Variants in PRPSAP1 observed in about 807,000 individuals in gnomAD.
The protein encoded by PRPSAP1 is phosphoribosyl pyrophosphate synthetase associated protein 1, also known as phosphoribosyl pyrophosphate synthase-associated protein 1.
Under a neutral mutation model 39.4 loss-of-function variants are expected in PRPSAP1, and 31 were observed. The observed-to-expected ratio is 0.79, with a 90% CI of 0.59 to 1.06. The LOEUF (loss-of-function observed/expected upper bound fraction) is 1.06. Among genes scored for constraint, PRPSAP1 ranks in the 50% least tolerant of loss-of-function variants. The probability of loss-of-function intolerance (pLI) is 0.00; values close to 1 mark genes in which losing one functional copy is unlikely to be tolerated. For missense variants in PRPSAP1, 430 were observed against 511.6 expected (o/e 0.84, Z 1.54); for synonymous variants, 212 against 192.6 (o/e 1.10, Z -0.83).
intron 3 of PRPSAP1, among the ~76,000 whole-genome samples, chr17:76,333,081 C>A (rs979951619): frequency 6.6e-6 from 1 of 151,340 alleles, no homozygotes; most frequent in African/African-American, 2.4e-5. Context: ...TTAGTAGAGA[C>A]GGGGTTTCAC....
chr17:76,320,044 C>T (rs1241641798), intron 7 of PRPSAP1, among the ~76,000 whole-genome samples: 7 of 151,828 alleles, frequency 4.6e-5, no homozygotes, highest in Non-Finnish European at 8.8e-5. Context: ...CCAAGGCAGG[C>T]GGATCACTTG....
intron 7 of PRPSAP1, chr17:76,314,206 A>T: frequency 3.6e-6 from 1 of 274,854 alleles, no homozygotes; most frequent in African/African-American, 2.3e-5. Context: ...ATAAAAATGT[A>T]TGTATGTATG....
At chr17:76,333,221 C>T (rs1236080453) in intron 3 of PRPSAP1, among the ~76,000 whole-genome samples, 1 of 152,144 alleles carries the variant, frequency 6.6e-6, no homozygotes, top group Admixed American at 6.6e-5. Context: ...GGCAATTCTC[C>T]TGGCTCATCC....
chr17:76,341,846 G>A (rs939186324), intron 3 of PRPSAP1, among the ~76,000 whole-genome samples: 1 of 152,160 alleles, frequency 6.6e-6, no homozygotes, highest in Non-Finnish European at 1.5e-5. Context: ...GGCTGAGGCA[G>A]GAGAATGGCG....
Position 76,329,735 on chromosome 17 carries a change from C to CAA in PRPSAP1, c.635+306_635+307dup, listed in dbSNP as rs201739683. Among the ~76,000 whole-genome samples the CAA allele has an allele frequency of 5.9e-4, 73 of 123,256 alleles. 1 individual carries two copies. The highest frequency in any genetic ancestry group is 1.8e-3 in the African/African-American group (62 of 34,048). 80.9% of individuals were successfully genotyped at this position (123,256 alleles called of 152,430 possible). A position where few individuals can be genotyped will look rare whatever the true frequency, so the allele number is the denominator to read the frequency against. Reference sequence around the variant, plus strand: ...TAGGTGACAGAATGAAACTCCATTTCAAAAAAAAAACAAAAAAAAAAACCA... The same window carrying CAA: ...TAGGTGACAGAATGAAACTCCATTTCAAAAAAAAAAAACAAAAAAAAAAACCA... On this transcript the variant is annotated intron_variant, in intron 6 of 9. Coordinates refer to ENST00000446526, the MANE Select transcript of PRPSAP1 (RefSeq NM_002766.3).
At chr17:76,352,644 CAAAAA>C (rs55986677) in intron 1 of PRPSAP1, among the ~76,000 whole-genome samples, 5,834 of 53,240 alleles carry the variant, frequency 0.11, 48 homozygotes, top group African/African-American at 0.11. Context: ...GACTCCGTCT[CAAAAA>C]AAAAAAAAAA....
At chr17:76,340,100 C>T (rs935189687) in intron 3 of PRPSAP1, among the ~76,000 whole-genome samples, 14 of 146,072 alleles carry the variant, frequency 9.6e-5, no homozygotes, top group Admixed American at 3.4e-4. Context: ...GAGCCGAGAT[C>T]GTGCCACTGC....
At chr17:76,349,165 A>G (rs2071541753) in intron 1 of PRPSAP1, among the ~76,000 whole-genome samples, 1 of 151,882 alleles carries the variant, frequency 6.6e-6, no homozygotes, top group Non-Finnish European at 1.5e-5. Flanking sequence ...TCAGCTGGGC[A>G]TGGTGGAGCA....
chr17:76,348,271 G>A (rs1026499867), intron 2 of PRPSAP1, among the ~76,000 whole-genome samples: 1 of 151,930 alleles, frequency 6.6e-6, no homozygotes, highest in African/African-American at 2.4e-5. Flanking sequence ...TCAGGAGTTT[G>A]AGACCAGCCT....
intron 2 of PRPSAP1, among the ~76,000 whole-genome samples, chr17:76,348,044 G>A (rs1013408207): frequency 1.3e-5 from 2 of 152,134 alleles, no homozygotes; most frequent in Non-Finnish European, 2.9e-5. Flanking sequence ...GGTGGAAGCC[G>A]AGTGCGGTGG....
intron 7 of PRPSAP1, among the ~76,000 whole-genome samples, chr17:76,328,290 C>A (rs540322570): frequency 6.6e-6 from 1 of 151,884 alleles, no homozygotes; most frequent in Non-Finnish European, 1.5e-5. Context: ...GCCATTCATA[C>A]TACTTAAAAC....
chr17:76,349,598 T>C (rs1294628718), intron 1 of PRPSAP1, among the ~76,000 whole-genome samples: 2 of 151,474 alleles, frequency 1.3e-5, no homozygotes, highest in African/African-American at 4.9e-5. Flanking sequence ...CCATCTCTAC[T>C]AAAAATACAA....
intron 9 of PRPSAP1, 70 bp from the exon 10 acceptor site, chr17:76,311,770 G>A: frequency 6.6e-7 from 1 of 1,513,598 alleles, no homozygotes; most frequent in Non-Finnish European, 8.9e-7. Flanking sequence ...ACACAGAAAA[G>A]CTTATCTAAC....
Position 76,353,799 on chromosome 17 carries a change from G to A in PRPSAP1, c.-96C>T. The stretch of plus-strand genomic sequence containing the variant: ...CCCCGGTTTGGGTGGGGAAGGCGCT[G>A]AGAAACTCGGCGCAAGCGGGGAGAG... On this transcript the variant is annotated 5_prime_UTR_variant, in exon 1 of 10. Coordinates refer to ENST00000446526, the MANE Select transcript of PRPSAP1 (RefSeq NM_002766.3). 7.2e-7 allele frequency: 1 copy of A among 1,389,482 alleles called. No individual in the cohort carries two copies. Among genetic ancestry groups the A allele is most frequent in the African/African-American group, 1.5e-5 (1 of 65,334 alleles). The allele number at this position is 1,389,482 out of a possible 1,614,324, so 86.1% of individuals were successfully genotyped here.
intron 3 of PRPSAP1, among the ~76,000 whole-genome samples, chr17:76,336,017 G>A (rs1291745742): frequency 6.6e-6 from 1 of 151,968 alleles, no homozygotes; most frequent in African/African-American, 2.4e-5. Flanking sequence ...ACAAAATCAA[G>A]TAAAATACAC....
rs561510536 is a variant in PRPSAP1, at chr17:76,353,528, C to G, written c.170+6G>C. On this transcript the variant is annotated splice_donor_region_variant and intron_variant, in intron 1 of 9. Transcript: ENST00000446526. Reference sequence around the variant, plus strand: ...CCCCGGCCCGGCCCTCCCACCGCCCCCTTACTCTGTGATGCGCTTGGCCAG... The same window carrying G: ...CCCCGGCCCGGCCCTCCCACCGCCCGCTTACTCTGTGATGCGCTTGGCCAG... The G allele has an allele frequency of 1.3e-5, 19 of 1,518,054 alleles. No homozygotes were observed. The South Asian group carries it at 2.3e-4, about 19-fold the overall frequency. 94.0% of individuals were successfully genotyped at this position (1,518,054 alleles called of 1,614,324 possible).
rs1486023117 is a variant in PRPSAP1 at position 76,320,282 on chromosome 17, A to AAAG, written c.782-6392_782-6391insCTT. On this transcript the variant is annotated intron_variant, in intron 7 of 9. Coordinates refer to ENST00000446526, the MANE Select transcript of PRPSAP1 (RefSeq NM_002766.3). ...AAAGAAAGAAAAGAAAGAAAGAAAG[A>AAAG]AAAGAAAGAAAGAAAGAAAAGAAAG... Among the ~76,000 whole-genome samples, 33 of 7,284 alleles carry AAAG rather than the reference A, an allele frequency of 4.5e-3. 1 individual carries two copies. Among genetic ancestry groups the AAAG allele is most frequent in the Non-Finnish European group, 0.01 (26 of 2,510 alleles). 4.8% of individuals were successfully genotyped at this position (7,284 alleles called of 152,430 possible). A position where few individuals can be genotyped will look rare whatever the true frequency, so the allele number is the denominator to read the frequency against.
In PRPSAP1 at chr17:76,329,112, C is replaced by T. The variant is rs141677537; in HGVS notation, c.636-250G>A. On this transcript the variant is annotated intron_variant, in intron 6 of 9. Coordinates refer to ENST00000446526, the MANE Select transcript of PRPSAP1 (RefSeq NM_002766.3). ...TTTGAGACAAGGTCTCACTGTCACC[C>T]AGGCTGGAGTGCAGTGGCGTCAACA... 2.1e-4 allele frequency: 76 copies of T among 354,422 alleles called. 1 individual carries two copies. In the East Asian group the frequency reaches 2.4e-3, roughly 11 times the overall value. 22.0% of individuals were successfully genotyped at this position (354,422 alleles called of 1,614,324 possible). A position where few individuals can be genotyped will look rare whatever the true frequency, so the allele number is the denominator to read the frequency against.
chr17:76,351,707 A>G (rs1188288407), intron 1 of PRPSAP1, among the ~76,000 whole-genome samples: 1 of 152,158 alleles, frequency 6.6e-6, no homozygotes, highest in Admixed American at 6.6e-5. Context: ...GATAAGATAA[A>G]ACAAAATCTT....
Sources: allele counts gnomAD v4.1 joint callset (sites outside exome capture counted in the v4.1 genomes callset), GRCh38; gene constraint gnomAD v4.1.1; transcripts MANE v1.5; gene names NCBI Gene and HGNC (gene_info 2026-07-23, HGNC 2026-07-21).